The following LRRC37A variants were observed in gnomAD, a reference collection of about 807,000 sequenced individuals.
LRRC37A encodes the protein leucine-rich repeat-containing protein 37A.
LRRC37A carries 3 observed loss-of-function variants against 35.4 expected under a neutral mutation model. That is an observed-to-expected ratio of 0.08 (90% CI 0.04 to 0.22). The LOEUF (loss-of-function observed/expected upper bound fraction) is 0.22, where lower values mean the gene tolerates loss of function less well. LRRC37A is among the 10% of genes least tolerant of loss of function. LRRC37A has a pLI of 1.00. For missense variants in LRRC37A, 67 were observed against 565.3 expected, an observed-to-expected ratio of 0.12 and a Z score of 8.94; for synonymous variants, 23 against 215.0, an observed-to-expected ratio of 0.11 and a Z score of 7.81.
chr17:46,278,615 G>T, the LRRC37A span, among the ~76,000 whole-genome samples: 1 of 151,578 alleles, frequency 6.6e-6, no homozygotes, highest in Non-Finnish European at 1.5e-5. Context: ...TCTTGGCCAG[G>T]CTGGTCTCAA....
chr17:46,323,294 C>A (rs2051497904), intron 7 of LRRC37A, among the ~76,000 whole-genome samples: 1 of 56,462 alleles, frequency 1.8e-5, no homozygotes, highest in Non-Finnish European at 4.2e-5. Context: ...CTGTTAGCTA[C>A]TAATCTGATT....
chr17:46,286,016 C>G, the LRRC37A span, among the ~76,000 whole-genome samples: 1 of 152,256 alleles, frequency 6.6e-6, no homozygotes, highest in African/African-American at 2.4e-5. Flanking sequence ...CATCAATGAG[C>G]TCTGCCTCAC....
chr17:46,333,104 T>G (rs2052100048), intron 10 of LRRC37A, among the ~76,000 whole-genome samples: 1 of 122,596 alleles, frequency 8.2e-6, no homozygotes, highest in African/African-American at 2.8e-5. Flanking sequence ...TCTTGTAGAC[T>G]TATTAGATTT....
At chr17:46,258,779 A>G in the LRRC37A span, among the ~76,000 whole-genome samples, 6 of 116,682 alleles carry the variant, frequency 5.1e-5, no homozygotes, top group Non-Finnish European at 4.0e-5. Flanking sequence ...CAGTTGTGCA[A>G]TCTTGGCTCA....
the LRRC37A span, among the ~76,000 whole-genome samples, chr17:46,269,220 A>G: frequency 1.3e-5 from 2 of 152,226 alleles, no homozygotes; most frequent in Non-Finnish European, 2.9e-5. Context: ...AGCCCAGGAC[A>G]AGGATTAAAA....
the LRRC37A span, chr17:46,267,547 A>G: frequency 7.5e-5 from 121 of 1,612,964 alleles, no homozygotes; most frequent in East Asian, 2.0e-3. Context: ...ATGACGCTGC[A>G]TATGTACTTT....
the LRRC37A span, among the ~76,000 whole-genome samples, chr17:46,269,115 TATATGTGAAGA>T: frequency 0.11 from 16,738 of 148,900 alleles, no homozygotes; most frequent in Non-Finnish European, 0.17. Context: ...ATTCAAAACT[TATATGTGAAGA>T]TTAAATTCTT....
chr17:46,270,035 G>A, the LRRC37A span, among the ~76,000 whole-genome samples: 1 of 152,226 alleles, frequency 6.6e-6, no homozygotes, highest in Non-Finnish European at 1.5e-5. Flanking sequence ...ACAAAGACAT[G>A]AGAGTATTTT....
chr17:46,284,308 C>T, the LRRC37A span, among the ~76,000 whole-genome samples: 626 of 122,490 alleles, frequency 5.1e-3, no homozygotes, highest in Middle Eastern at 0.019. Flanking sequence ...TGTCCCTGGG[C>T]ACTTGACATT....
the LRRC37A span, among the ~76,000 whole-genome samples, chr17:46,277,464 A>C: frequency 6.6e-6 from 1 of 152,182 alleles, no homozygotes; most frequent in African/African-American, 2.4e-5. Context: ...TAAAAAAGCA[A>C]TTTTAGAAAT....
the LRRC37A span, chr17:46,268,516 T>C: frequency 3.5e-6 from 5 of 1,419,728 alleles, no homozygotes; most frequent in South Asian, 1.7e-5. Flanking sequence ...AGCAGGTATA[T>C]TGTGATGGGC....
chr17:46,282,621 A>G, the LRRC37A span, among the ~76,000 whole-genome samples: 1 of 149,796 alleles, frequency 6.7e-6, no homozygotes, highest in African/African-American at 2.5e-5. Flanking sequence ...AAGGTCTCAT[A>G]CTGTGGCCCA....
At chr17:46,276,790 C>CTTTTCTTTTTTTTTT in the LRRC37A span, among the ~76,000 whole-genome samples, 15 of 134,266 alleles carry the variant, frequency 1.1e-4, no homozygotes, top group Non-Finnish European at 1.8e-4. Flanking sequence ...TTCTTTTTTT[C>CTTTTCTTTTTTTTTT]TTTTTTTTTT....
In LRRC37A at chr17:46,330,438, C is replaced by A. The variant is rs1425839934; in HGVS notation, c.3173-12C>A. On this transcript the variant is annotated splice_polypyrimidine_tract_variant and intron_variant, in intron 8 of 13. Coordinates refer to ENST00000320254, the Ensembl canonical transcript of LRRC37A. ...TCTTTCATGATCAAAGCAGTCTCTT[C>A]TTTTTTGACAGCTGAAGAAGCATCG... 9.2e-5 allele frequency: 10 copies of A among 108,666 alleles called. No homozygotes were observed. The highest frequency in any genetic ancestry group is 7.8e-4 in the East Asian group (10 of 12,866). 6.7% of individuals were successfully genotyped at this position (108,666 alleles called of 1,614,324 possible).
the LRRC37A span, among the ~76,000 whole-genome samples, chr17:46,278,360 T>A: frequency 0.14 from 21,748 of 152,002 alleles, 1,910 homozygotes; most frequent in Non-Finnish European, 0.22. Flanking sequence ...TTTTGAGTCC[T>A]AGTCTTTTTT....
upstream of LRRC37A, among the ~76,000 whole-genome samples, chr17:46,288,124 C>T (rs2732610): frequency 0.51 from 75,305 of 149,032 alleles, 19,052 homozygotes; most frequent in East Asian, 0.75. Context: ...AGGAATAATA[C>T]ATGGCTATGT....
upstream of LRRC37A, among the ~76,000 whole-genome samples, chr17:46,291,080 G>A (rs1413682137): frequency 6.6e-6 from 1 of 152,238 alleles, no homozygotes; most frequent in Non-Finnish European, 1.5e-5. Flanking sequence ...AGTCAAAAGA[G>A]AAGCAATGTG....
the LRRC37A span, among the ~76,000 whole-genome samples, chr17:46,280,026 C>T: frequency 1.2e-4 from 18 of 151,026 alleles, no homozygotes; most frequent in African/African-American, 3.9e-4. Context: ...CACCTTGAGT[C>T]AGAGTAATTC....
At chr17:46,290,852 C>T (rs2050047701), upstream of LRRC37A, among the ~76,000 whole-genome samples, 3 of 152,202 alleles carry the variant, frequency 2.0e-5, no homozygotes, top group South Asian at 6.2e-4. Flanking sequence ...TTCCCCACGC[C>T]AAAATTTCAA....
Sources: allele counts gnomAD v4.1 joint callset (sites outside exome capture counted in the v4.1 genomes callset), GRCh38; gene constraint gnomAD v4.1.1; transcripts MANE v1.5; gene names NCBI Gene and HGNC (gene_info 2026-07-23, HGNC 2026-07-21).